Variants in GRK3 observed in about 807,000 individuals in gnomAD.
GRK3 encodes the protein G protein-coupled receptor kinase 3, also known as adrenergic, beta, receptor kinase 2.
In GRK3, 54 loss-of-function variants were observed where a neutral mutation model predicts 95.7. The ratio of observed to expected loss-of-function variants is 0.56; its 90% CI spans 0.45 to 0.71. The LOEUF (loss-of-function observed/expected upper bound fraction) is 0.71. Ranked by LOEUF, GRK3 falls within the 30% of genes least tolerant of loss-of-function variation. The pLI is 0.00. For synonymous variants in GRK3, 281 were observed against 290.8 expected (o/e 0.97, Z 0.34); for missense variants, 649 against 851.2 (o/e 0.76, Z 2.96).
intron 1 of GRK3, among the ~76,000 whole-genome samples, chr22:25,600,783 A>T (rs983222477): frequency 1.3e-5 from 2 of 152,222 alleles, no homozygotes; most frequent in Non-Finnish European, 2.9e-5. Flanking sequence ...ACTTATTTTA[A>T]ATGTGAAGAT....
In GRK3 at chr22:25,606,091, C is replaced by T. The variant is rs540970615; in HGVS notation, c.190+1638C>T. Reference sequence around the variant, plus strand: ...TTAAAACCTTAACTGACCCTGGCACCGGGAGACTCTGACCTGAGCTCCCAA... The same window carrying T: ...TTAAAACCTTAACTGACCCTGGCACTGGGAGACTCTGACCTGAGCTCCCAA... On this transcript the variant is annotated intron_variant, in intron 2 of 20. Transcript: ENST00000324198. Among the ~76,000 whole-genome samples the T allele has an allele frequency of 1.1e-4, 16 of 152,260 alleles. 1 individual carries two copies. In the South Asian group the frequency reaches 1.7e-3, roughly 16 times the overall value.
At chr22:25,647,668 A>G (rs2084795506) in intron 3 of GRK3, 1 of 1,401,206 alleles carries the variant, frequency 7.1e-7, no homozygotes, top group Non-Finnish European at 1.0e-6. Context: ...ATCAATCACT[A>G]CAGGAAAGAA....
At chr22:25,671,027 C>G (rs996415209) in intron 6 of GRK3, among the ~76,000 whole-genome samples, 17 of 148,296 alleles carry the variant, frequency 1.1e-4, no homozygotes, top group Admixed American at 4.8e-4. Context: ...GCACTACAGT[C>G]TGGGGACATA....
At chr22:25,644,339 G>A (rs1273271620) in intron 2 of GRK3, among the ~76,000 whole-genome samples, 3 of 152,034 alleles carry the variant, frequency 2.0e-5, no homozygotes, top group East Asian at 3.8e-4. Flanking sequence ...TACTTTTGTG[G>A]AAAGTGGGGG....
rs1476536451 is a variant in GRK3 at position 25,565,011 on chromosome 22, C to G, written c.-30C>G. The G allele has an allele frequency of 2.0e-6, 2 of 988,828 alleles. No homozygotes were observed. The highest frequency in any genetic ancestry group is 6.1e-5 in the East Asian group (1 of 16,510). 61.3% of individuals were successfully genotyped at this position (988,828 alleles called of 1,614,324 possible). On this transcript the variant is annotated 5_prime_UTR_variant, in exon 1 of 21. Coordinates refer to ENST00000324198, the MANE Select transcript of GRK3 (RefSeq NM_005160.4). ...CGCGTCCCGTCCAGGTCCGGAGTAACCGCCGCCGCCGCCGCCAAAGCTCGC... is the reference window on the plus strand; with the variant it reads ...CGCGTCCCGTCCAGGTCCGGAGTAAGCGCCGCCGCCGCCGCCAAAGCTCGC...
intron 18 of GRK3, among the ~76,000 whole-genome samples, chr22:25,715,687 C>A (rs764126091): frequency 6.6e-6 from 1 of 152,020 alleles, no homozygotes; most frequent in East Asian, 1.9e-4. Flanking sequence ...TTATTGTAGT[C>A]GATGATTATG....
intron 4 of GRK3, among the ~76,000 whole-genome samples, chr22:25,663,008 C>T (rs1012592315): frequency 3.3e-5 from 5 of 151,938 alleles, no homozygotes; most frequent in African/African-American, 1.2e-4. Flanking sequence ...GTAATCCTGA[C>T]ATTAATTCTT....
At chr22:25,656,380 A>C (rs944026644) in intron 3 of GRK3, among the ~76,000 whole-genome samples, 1 of 152,142 alleles carries the variant, frequency 6.6e-6, no homozygotes, top group Non-Finnish European at 1.5e-5. Flanking sequence ...GCAGTGGTGC[A>C]ATCATGGCTC....
chr22:25,601,569 T>C (rs2084409656), intron 1 of GRK3, among the ~76,000 whole-genome samples: 1 of 152,178 alleles, frequency 6.6e-6, no homozygotes, highest in African/African-American at 2.4e-5. Context: ...TTAAATTCAT[T>C]GATCCAACTT....
chr22:25,656,308 ATATT>A (rs1322075388), intron 3 of GRK3, among the ~76,000 whole-genome samples: 1 of 152,112 alleles, frequency 6.6e-6, no homozygotes, highest in Non-Finnish European at 1.5e-5. Context: ...GATTCAACCA[ATATT>A]TATTTATTAT....
At chr22:25,614,748 A>G (rs1056876386) in intron 2 of GRK3, among the ~76,000 whole-genome samples, 5 of 152,230 alleles carry the variant, frequency 3.3e-5, no homozygotes, top group African/African-American at 9.6e-5. Flanking sequence ...TTTATTTCCT[A>G]TATAATAATA....
intron 1 of GRK3, among the ~76,000 whole-genome samples, chr22:25,589,237 T>C (rs969260325): frequency 1.2e-4 from 18 of 152,332 alleles, no homozygotes; most frequent in African/African-American, 4.1e-4. Context: ...TCAGATAGAA[T>C]ATGTAGGATT....
intron 7 of GRK3, among the ~76,000 whole-genome samples, chr22:25,672,682 G>A (rs2146414421): frequency 6.6e-6 from 1 of 152,036 alleles, no homozygotes; most frequent in East Asian, 1.9e-4. Flanking sequence ...TTCTGGTAGA[G>A]TTCCTTTTCT....
At chr22:25,672,518 A>C (rs1436536654) in intron 7 of GRK3, among the ~76,000 whole-genome samples, 171 bp downstream of exon 7, 1 of 152,224 alleles carries the variant, frequency 6.6e-6, no homozygotes, top group Non-Finnish European at 1.5e-5. Context: ...CTTCCTTATA[A>C]ACAATAGAAG....
rs1236539638 is a variant in GRK3, at chr22:25,655,184, CCAAA to C, written c.265-6389_265-6386del. 7.2e-5 allele frequency among the ~76,000 whole-genome samples: 11 copies of C among 152,170 alleles called. No individual in the cohort carries two copies. The South Asian group carries it at 2.1e-3, about 29-fold the overall frequency. On this transcript the variant is annotated intron_variant, in intron 3 of 20. Transcript: ENST00000324198. ...ATTGTATTTCCACTTTCCTGTGTCC[CCAAA>C]CAGTTACCCATTTCCCATGTTAAAG...
intron 1 of GRK3, among the ~76,000 whole-genome samples, chr22:25,588,097 C>T (rs1217187740): frequency 1.3e-5 from 2 of 152,146 alleles, no homozygotes; most frequent in Non-Finnish European, 2.9e-5. Context: ...CCACGCCCTG[C>T]CTGTTGTAAC....
chr22:25,645,389 G>C (rs1315559708), intron 3 of GRK3, among the ~76,000 whole-genome samples: 1 of 152,202 alleles, frequency 6.6e-6, no homozygotes, highest in Non-Finnish European at 1.5e-5. Context: ...ATCCAGGCTT[G>C]GCTGCTTCTG....
chr22:25,623,276 GA>G (rs1330402124), intron 2 of GRK3, among the ~76,000 whole-genome samples: 1 of 152,242 alleles, frequency 6.6e-6, no homozygotes, highest in East Asian at 1.9e-4. Flanking sequence ...TATAGAAGGA[GA>G]GGAGCTAGCT....
rs1414810294 is a variant in GRK3 at position 25,727,483 on chromosome 22, G to C, written c.*5033G>C. 3 of 152,378 alleles carry C rather than the reference G, an allele frequency of 2.0e-5. No individual in the cohort carries two copies. Among genetic ancestry groups the C allele is most frequent in the South Asian group, 2.1e-4 (1 of 4,830 alleles). 9.4% of individuals were successfully genotyped at this position (152,378 alleles called of 1,614,324 possible). A position where few individuals can be genotyped will look rare whatever the true frequency, so the allele number is the denominator to read the frequency against. The stretch of plus-strand genomic sequence containing the variant: ...CCCCCACAGCTGGCCCAAAGGGGCT[G>C]TCTTTCTGACCTGGCTGTGTTAGCA... On this transcript the variant is annotated 3_prime_UTR_variant, in exon 21 of 21. Transcript: ENST00000324198.
Sources: allele counts gnomAD v4.1 joint callset (sites outside exome capture counted in the v4.1 genomes callset), GRCh38; gene constraint gnomAD v4.1.1; transcripts MANE v1.5; gene names NCBI Gene and HGNC (gene_info 2026-07-23, HGNC 2026-07-21).